Variants in PHACTR1 observed in about 807,000 individuals in gnomAD.
The protein encoded by PHACTR1 is RPEL repeat containing 1.
In PHACTR1, 16 loss-of-function variants were observed where a neutral mutation model predicts 69.2. That is an observed-to-expected ratio of 0.23 (90% CI 0.16 to 0.35). The LOEUF (loss-of-function observed/expected upper bound fraction) is 0.35, where lower values mean the gene tolerates loss of function less well. PHACTR1 is among the 10% of genes least tolerant of loss of function. The pLI is 1.00. For missense variants in PHACTR1, 510 were observed against 734.7 expected, an observed-to-expected ratio of 0.69 and a Z score of 3.54; for synonymous variants, 312 against 284.5, an observed-to-expected ratio of 1.10 and a Z score of -0.97.
intron 4 of PHACTR1, among the ~76,000 whole-genome samples, chr6:12,881,561 T>A (rs980798471): frequency 6.6e-6 from 1 of 152,234 alleles, no homozygotes; most frequent in South Asian, 2.1e-4. Flanking sequence ...TTAGCTCTAG[T>A]GTCACCTCTT....
rs185669828 is a variant in PHACTR1 at position 12,779,848 on chromosome 6, A to C, written c.250+30058A>C. Among the ~76,000 whole-genome samples, 469 of 152,350 alleles carry C rather than the reference A, an allele frequency of 3.1e-3. 4 individuals are homozygous for C. Among genetic ancestry groups the C allele is most frequent in the African/African-American group, 9.6e-3 (401 of 41,582 alleles). On this transcript the variant is annotated intron_variant, in intron 4 of 14. Coordinates refer to ENST00000332995, the MANE Select transcript of PHACTR1 (RefSeq NM_030948.6). ...TATATATATGTAGCTTAATTTAAGCAAAGCCCTTTCCGTATAGATAGAGCA... is the reference window on the plus strand; with the variant it reads ...TATATATATGTAGCTTAATTTAAGCCAAGCCCTTTCCGTATAGATAGAGCA...
chr6:13,235,873 C>T (rs188740121), intron 10 of PHACTR1, among the ~76,000 whole-genome samples: 26 of 152,270 alleles, frequency 1.7e-4, no homozygotes, highest in African/African-American at 5.3e-4. Flanking sequence ...CTGTCCCCAC[C>T]CATACCCTCT....
At chr6:13,032,728 G>A (rs1162098837) in intron 4 of PHACTR1, among the ~76,000 whole-genome samples, 1 of 151,776 alleles carries the variant, frequency 6.6e-6, no homozygotes, top group East Asian at 1.9e-4. Flanking sequence ...TGATCCTCCC[G>A]CCTCGGCCTC....
At chr6:12,802,206 G>A (rs528933499) in intron 4 of PHACTR1, among the ~76,000 whole-genome samples, 24 of 151,164 alleles carry the variant, frequency 1.6e-4, no homozygotes, top group Non-Finnish European at 3.0e-4. Flanking sequence ...GCCAGTTAAT[G>A]CCAAAGGTGA....
chr6:13,228,966 C>T (rs192314703), intron 9 of PHACTR1, among the ~76,000 whole-genome samples: 15 of 152,334 alleles, frequency 9.8e-5, no homozygotes, highest in East Asian at 5.8e-4. Context: ...CGTTTTCTCT[C>T]GCTCTCTACT....
At chr6:12,944,783 A>ATTTT (rs201376090) in intron 4 of PHACTR1, among the ~76,000 whole-genome samples, 7 of 119,296 alleles carry the variant, frequency 5.9e-5, no homozygotes, top group African/African-American at 2.0e-4. Flanking sequence ...ATTTATTTTT[A>ATTTT]TTTATTTTTT....
In PHACTR1 at chr6:12,777,625, C is replaced by CTTTTTTTTTTTTTTTTTTTTTTTTTTTT. The variant is rs869096915; in HGVS notation, c.250+27859_250+27860insTTTTTTTTTTTTTTTTTTTTTTTTTTTT. Among the ~76,000 whole-genome samples the CTTTTTTTTTTTTTTTTTTTTTTTTTTTT allele has an allele frequency of 2.0e-5, 2 of 99,016 alleles. 1 individual carries two copies. The highest frequency in any genetic ancestry group is 3.7e-5 in the Non-Finnish European group (2 of 53,676). 65.0% of individuals were successfully genotyped at this position (99,016 alleles called of 152,430 possible). A position where few individuals can be genotyped will look rare whatever the true frequency, so the allele number is the denominator to read the frequency against. The stretch of plus-strand genomic sequence containing the variant: ...TGTATATATACCACCCTTTCTTCTT[C>CTTTTTTTTTTTTTTTTTTTTTTTTTTTT]TTTTTTTTTTTTTTTTTTTTTTTTG... On this transcript the variant is annotated intron_variant, in intron 4 of 14. Transcript: ENST00000332995.
intron 4 of PHACTR1, among the ~76,000 whole-genome samples, chr6:12,954,993 A>C (rs1363817796): frequency 6.6e-6 from 1 of 152,152 alleles, no homozygotes; most frequent in Non-Finnish European, 1.5e-5. Context: ...AGGGTATAAA[A>C]CACTTACCAA....
At chr6:12,982,736 A>C (rs1795673724) in intron 4 of PHACTR1, among the ~76,000 whole-genome samples, 1 of 152,206 alleles carries the variant, frequency 6.6e-6, no homozygotes, top group Non-Finnish European at 1.5e-5. Flanking sequence ...ACTTTTCCAA[A>C]AATCGCTAGA....
chr6:12,988,227 C>T (rs1337581601), intron 4 of PHACTR1, among the ~76,000 whole-genome samples: 1 of 152,130 alleles, frequency 6.6e-6, no homozygotes, highest in Non-Finnish European at 1.5e-5. Context: ...TCCGTCAGAG[C>T]TTTTTAAAAG....
At position 13,209,517 on chromosome 6, in the gene PHACTR1, T is replaced by C. The variant is rs111311005; in HGVS notation, c.986+3381T>C. On this transcript the variant is annotated intron_variant, in intron 8 of 14. Transcript: ENST00000332995. ...TCAAAGAATGTCACACCATAGGCCA[T>C]CGGTCCAGATGGACAGTCTGATCCT... 6.3e-3 allele frequency among the ~76,000 whole-genome samples: 962 copies of C among 152,352 alleles called. 7 individuals are homozygous for C. The highest frequency in any genetic ancestry group is 0.012 in the Non-Finnish European group (799 of 68,040).
chr6:13,077,207 G>A (rs1312204139), intron 5 of PHACTR1, among the ~76,000 whole-genome samples: 11 of 148,254 alleles, frequency 7.4e-5, no homozygotes, highest in Admixed American at 7.4e-4. Flanking sequence ...GCATGCTTAT[G>A]TGTCTAAGTG....
chr6:12,970,949 C>T (rs992638196), intron 4 of PHACTR1, among the ~76,000 whole-genome samples: 2 of 152,230 alleles, frequency 1.3e-5, no homozygotes, highest in Non-Finnish European at 2.9e-5. Flanking sequence ...TGACCAAAAA[C>T]AATCATCATT....
At chr6:12,755,508 T>C (rs972911309) in intron 4 of PHACTR1, among the ~76,000 whole-genome samples, 3 of 152,218 alleles carry the variant, frequency 2.0e-5, no homozygotes, top group African/African-American at 7.2e-5. Flanking sequence ...ATAGCTTCAT[T>C]ACAATAAGAA....
At chr6:12,788,674 G>A (rs148121651) in intron 4 of PHACTR1, among the ~76,000 whole-genome samples, 1 of 152,290 alleles carries the variant, frequency 6.6e-6, no homozygotes, top group Non-Finnish European at 1.5e-5. Context: ...AGTGGCCAAG[G>A]CCTTGTCTGG....
chr6:12,822,622 G>C (rs1010441560), intron 4 of PHACTR1, among the ~76,000 whole-genome samples: 4 of 152,160 alleles, frequency 2.6e-5, no homozygotes, highest in Admixed American at 1.3e-4. Context: ...AGAGGAGCCG[G>C]GGCATCTAGC....
intron 4 of PHACTR1, among the ~76,000 whole-genome samples, chr6:12,845,434 C>A (rs1307525051): frequency 5.3e-5 from 3 of 56,390 alleles, no homozygotes; most frequent in Non-Finnish European, 9.3e-5. Context: ...CACCCACCCC[C>A]CCCCCCCCCG....
chr6:13,237,369 C>A (rs1004652157), intron 10 of PHACTR1, among the ~76,000 whole-genome samples: 2 of 151,966 alleles, frequency 1.3e-5, no homozygotes, highest in Non-Finnish European at 2.9e-5. Flanking sequence ...AGAATGAGAC[C>A]CCTCTTTTAA....
At chr6:12,902,220 C>T (rs1040904820) in intron 4 of PHACTR1, among the ~76,000 whole-genome samples, 2 of 152,100 alleles carry the variant, frequency 1.3e-5, no homozygotes, top group African/African-American at 2.4e-5. Context: ...GTCAGGAGTT[C>T]GAGACCAGCC....
Sources: gnomAD v4.1 joint callset for allele counts (sites outside exome capture counted in the v4.1 genomes callset) on GRCh38, gnomAD v4.1.1 for gene constraint, MANE v1.5 for transcripts, NCBI Gene and HGNC (gene_info 2026-07-23, HGNC 2026-07-21) for gene names.